Variants in ECHDC3 observed in about 807,000 individuals in gnomAD.
ECHDC3 encodes the protein enoyl-CoA hydratase domain-containing protein 3, mitochondrial.
Under a neutral mutation model 17.9 loss-of-function variants are expected in ECHDC3, and 20 were observed. The observed-to-expected ratio is 1.12, with a 90% CI of 0.79 to 1.63. ECHDC3 has a LOEUF of 1.63. Among genes scored for constraint, ECHDC3 ranks in the 40% most tolerant of loss-of-function variants. The pLI is 0.00. For missense variants in ECHDC3, 407 were observed against 357.7 expected, an observed-to-expected ratio of 1.14 and a Z score of -1.11; for synonymous variants, 177 against 149.7, an observed-to-expected ratio of 1.18 and a Z score of -1.33.
At chr10:11,748,615 G>T (rs1832788129) in intron 2 of ECHDC3, among the ~76,000 whole-genome samples, 1 of 152,144 alleles carries the variant, frequency 6.6e-6, no homozygotes, top group Non-Finnish European at 1.5e-5. Flanking sequence ...GCCAGGCATG[G>T]TTGCTCATGT....
rs1174616575 is a variant in ECHDC3, at chr10:11,742,415, C to T, written c.-162C>T. On this transcript the variant is annotated 5_prime_UTR_variant, in exon 1 of 5. Transcript: ENST00000379215. ...GACTGGGCCTGGCCTGGGGCGTCCCCGCGAAGCCTGGGCCTGTCAGGCGGT... is the reference window on the plus strand; with the variant it reads ...GACTGGGCCTGGCCTGGGGCGTCCCTGCGAAGCCTGGGCCTGTCAGGCGGT... 1.7e-6 allele frequency: 1 copy of T among 574,700 alleles called. No individual in the cohort carries two copies. Among genetic ancestry groups the T allele is most frequent in the Non-Finnish European group, 2.4e-6 (1 of 417,312 alleles). The allele number at this position is 574,700 out of a possible 1,614,324, so 35.6% of individuals were successfully genotyped here. A position where few individuals can be genotyped will look rare whatever the true frequency, so the allele number is the denominator to read the frequency against.
At chr10:11,755,667 A>G in intron 4 of ECHDC3, 59 bp downstream of exon 4, 3 of 1,459,988 alleles carry the variant, frequency 2.1e-6, no homozygotes, top group Admixed American at 1.9e-5. Flanking sequence ...TTCCTCCTCC[A>G]GTGCATGCGA....
Position 11,742,751 on chromosome 10 carries a change from G to A in ECHDC3, c.170+5G>A, listed in dbSNP as rs2133784049. 2.4e-6 allele frequency: 3 copies of A among 1,227,408 alleles called. No individual in the cohort carries two copies. The highest frequency in any genetic ancestry group is 3.0e-6 in the Non-Finnish European group (3 of 984,988). The allele number at this position is 1,227,408 out of a possible 1,614,324, so 76.0% of individuals were successfully genotyped here. A position where few individuals can be genotyped will look rare whatever the true frequency, so the allele number is the denominator to read the frequency against. ...GCGGCAGCTGGACGGCATAAGGTCAGCCCCGGGCCGCGCGGGCTCCTCGCG... is the reference window on the plus strand; with the variant it reads ...GCGGCAGCTGGACGGCATAAGGTCAACCCCGGGCCGCGCGGGCTCCTCGCG... On this transcript the variant is annotated splice_donor_5th_base_variant and intron_variant, in intron 1 of 4. Coordinates refer to ENST00000379215, the MANE Select transcript of ECHDC3 (RefSeq NM_024693.5).
rs529510292 is a variant in ECHDC3 at position 11,762,263 on chromosome 10, T to C, written c.592-961T>C. 2.0e-5 allele frequency among the ~76,000 whole-genome samples: 3 copies of C among 152,288 alleles called. No individual in the cohort carries two copies. In the South Asian group the frequency reaches 6.2e-4, roughly 32 times the overall value. On this transcript the variant is annotated intron_variant, in intron 4 of 4. Transcript: ENST00000379215. ...CATGGAAGACCTCAGTGATAGGGGA[T>C]GCAGGACCAGAGGCCTGCAATGAGG...
chr10:11,760,407 C>G (rs1303311234), intron 4 of ECHDC3, among the ~76,000 whole-genome samples: 1 of 152,224 alleles, frequency 6.6e-6, no homozygotes, highest in Non-Finnish European at 1.5e-5. Flanking sequence ...GGCTGCAAGC[C>G]CCCCACCTGG....
intron 1 of ECHDC3, 44 bp from the exon 2 acceptor site, chr10:11,747,305 T>G (rs145424697): frequency 1.2e-6 from 2 of 1,604,632 alleles, no homozygotes; most frequent in Non-Finnish European, 1.7e-6. Flanking sequence ...CCTCACTTGT[T>G]TTGACTGGTG....
intron 4 of ECHDC3, 83 bp downstream of exon 4, chr10:11,755,691 G>T (rs758077177): frequency 7.5e-7 from 1 of 1,331,408 alleles, no homozygotes; most frequent in Non-Finnish European, 1.0e-6. Flanking sequence ...TTCAAGATCC[G>T]CTTGTTAAAA....
At chr10:11,761,175 C>T (rs185749956) in intron 4 of ECHDC3, among the ~76,000 whole-genome samples, 56 of 152,334 alleles carry the variant, frequency 3.7e-4, no homozygotes, top group African/African-American at 1.3e-3. Context: ...GGGATCCAAT[C>T]TAGTCCTGTG....
intron 1 of ECHDC3, among the ~76,000 whole-genome samples, chr10:11,744,272 T>A (rs1832731796): frequency 6.6e-6 from 1 of 152,274 alleles, no homozygotes. Context: ...GAGGTCCCTC[T>A]GCCCCAAAGT....
At chr10:11,758,983 T>C (rs1832915576) in intron 4 of ECHDC3, among the ~76,000 whole-genome samples, 1 of 152,176 alleles carries the variant, frequency 6.6e-6, no homozygotes, top group South Asian at 2.1e-4. Context: ...AAGGTGATGG[T>C]GTTGGAAGGT....
At chr10:11,762,167 G>A (rs1832961108) in intron 4 of ECHDC3, among the ~76,000 whole-genome samples, 1 of 152,168 alleles carries the variant, frequency 6.6e-6, no homozygotes, top group Non-Finnish European at 1.5e-5. Context: ...ATGGAGAGAA[G>A]TGCAAAAGAT....
In ECHDC3 at chr10:11,751,044, T is replaced by C. The variant is rs566955866; in HGVS notation, c.390+1452T>C. Among the ~76,000 whole-genome samples, 13 of 152,372 alleles carry C rather than the reference T, an allele frequency of 8.5e-5. No individual in the cohort carries two copies. The South Asian group carries it at 2.1e-3, about 24-fold the overall frequency. The stretch of plus-strand genomic sequence containing the variant: ...GCCGAGACCTGGGTCTTTCGTTTCC[T>C]ACATTAATGATGTTTATGTAACATT... On this transcript the variant is annotated intron_variant, in intron 3 of 4. Coordinates refer to ENST00000379215, the MANE Select transcript of ECHDC3 (RefSeq NM_024693.5).
intron 1 of ECHDC3, among the ~76,000 whole-genome samples, chr10:11,744,144 C>T (rs1178508147): frequency 1.3e-5 from 2 of 152,204 alleles, no homozygotes; most frequent in Non-Finnish European, 2.9e-5. Flanking sequence ...ATCCCTAATT[C>T]TTAACAGTGG....
In ECHDC3 at chr10:11,763,233, G is replaced by A. The variant is rs2133798099; in HGVS notation, c.601G>A (p.Glu201Lys). 2 of 777,252 alleles carry A rather than the reference G, an allele frequency of 2.6e-6. No homozygotes were observed. 48.1% of individuals were successfully genotyped at this position (777,252 alleles called of 1,614,324 possible). A position where few individuals can be genotyped will look rare whatever the true frequency, so the allele number is the denominator to read the frequency against. ...CCGTGTCTCCCCGTAGGTGGCCTTG[G>A]AGATGCTCTTTACTGGTGAGCCCAT... ...ARAVPRKVAL[E>K]MLFTGEPISA... Residue 201 changes from glutamate (E) to lysine (K), a missense_variant, in exon 5 of 5, where the codon GAG becomes AAG. Physicochemically the swap from Glu to Lys is moderately conservative, Grantham distance 56. Transcript: ENST00000379215. The surrounding 1 kb of genome is among the most constrained non-coding windows in gnomAD (Gnocchi z 4.9).
At chr10:11,761,154 T>C (rs1832946389) in intron 4 of ECHDC3, among the ~76,000 whole-genome samples, 1 of 152,204 alleles carries the variant, frequency 6.6e-6, no homozygotes, top group Admixed American at 6.5e-5. Flanking sequence ...TCTATCCAAG[T>C]TCAATTCTGG....
At chr10:11,748,009 CA>C in intron 2 of ECHDC3, among the ~76,000 whole-genome samples, 1 of 152,020 alleles carries the variant, frequency 6.6e-6, no homozygotes, top group Non-Finnish European at 1.5e-5. Flanking sequence ...AAAGCATACA[CA>C]AAAAAATATG....
chr10:11,752,760 A>G (rs12246627), intron 3 of ECHDC3, among the ~76,000 whole-genome samples: 142,078 of 152,230 alleles, frequency 0.93, 67,151 homozygotes, highest in East Asian at 1. Context: ...ACAGATGTGA[A>G]AATTGAGGGG....
intron 4 of ECHDC3, among the ~76,000 whole-genome samples, chr10:11,762,521 G>C (rs759211003): frequency 7.9e-5 from 12 of 152,212 alleles, no homozygotes; most frequent in East Asian, 1.9e-4. Context: ...AGCCAGGCTT[G>C]GTAGCGTGCA....
chr10:11,759,101 C>T (rs1832916518), intron 4 of ECHDC3, among the ~76,000 whole-genome samples: 1 of 152,220 alleles, frequency 6.6e-6, no homozygotes, highest in Admixed American at 6.5e-5. Context: ...TGCCTGTAAT[C>T]CCAGCACCGT....
Sources: gnomAD v4.1 joint callset for allele counts (sites outside exome capture counted in the v4.1 genomes callset) on GRCh38, gnomAD v4.1.1 for gene constraint, Gnocchi (gnomAD v3.1) non-coding constraint, MANE v1.5 for transcripts, NCBI Gene and HGNC (gene_info 2026-07-23, HGNC 2026-07-21) for gene names.